The following HDAC9 variants were observed in gnomAD, a reference collection of about 807,000 sequenced individuals.
The protein encoded by HDAC9 is histone deacetylase 9, also known as MEF-2 interacting transcription repressor (MITR) protein.
In HDAC9, 41 loss-of-function variants were observed where a neutral mutation model predicts 139.4. The ratio of observed to expected loss-of-function variants is 0.29; its 90% confidence interval spans 0.23 to 0.38. The LOEUF is 0.38. Among genes scored for constraint, HDAC9 ranks in the 10% least tolerant of loss-of-function variants. HDAC9 has a pLI of 1.00. For synonymous variants in HDAC9, 517 were observed against 476.2 expected, an observed-to-expected ratio of 1.09 and a Z score of -1.12; for missense variants, 1,147 against 1,297.0, an observed-to-expected ratio of 0.88 and a Z score of 1.78.
intron 1 of HDAC9, among the ~76,000 whole-genome samples, chr7:18,434,812 C>T (rs986536300): frequency 6.6e-6 from 1 of 152,042 alleles, no homozygotes; most frequent in African/African-American, 2.4e-5. Flanking sequence ...TTAGTCCAGC[C>T]ATTGTCAAAA....
chr7:18,666,366 AC>A lies in HDAC9; in HGVS notation c.1622del (p.Thr541AsnfsTer8). On this transcript the variant is annotated frameshift_variant, in exon 12 of 26. Transcript: ENST00000686413. LOFTEE classifies it high-confidence loss of function. ...RSDSSACVDD[T>X]LGQVGAVKVK... Reference sequence around the variant, plus strand: ...CGACAGCAGTGCTTGTGTGGATGACACACTGGGACAAGTTGGGGCTGTGAAG... The same window carrying A: ...CGACAGCAGTGCTTGTGTGGATGACAACTGGGACAAGTTGGGGCTGTGAAG... 1 of 1,613,328 alleles carries A rather than the reference AC, an allele frequency of 6.2e-7. No individual in the cohort carries two copies. The highest frequency in any genetic ancestry group is 8.5e-7 in the Non-Finnish European group (1 of 1,179,600).
chr7:18,410,182 C>T (rs1242361104), intron 1 of HDAC9, among the ~76,000 whole-genome samples: 1 of 152,066 alleles, frequency 6.6e-6, no homozygotes, highest in Non-Finnish European at 1.5e-5. Context: ...AAAATTCATT[C>T]TTTAGAAATG....
intron 25 of HDAC9, among the ~76,000 whole-genome samples, chr7:18,980,448 G>T (rs1784830325): frequency 6.6e-6 from 1 of 152,020 alleles, no homozygotes; most frequent in African/African-American, 2.4e-5. Flanking sequence ...TTTGCTCAAG[G>T]GCAAGTTACT....
rs369884178 is a variant in HDAC9, at chr7:18,200,676, T to G, written c.25+38327T>G. Among the ~76,000 whole-genome samples the G allele has an allele frequency of 3.6e-4, 55 of 152,292 alleles. No individual in the cohort carries two copies. The East Asian group carries it at 7.1e-3, about 20-fold the overall frequency. Reference sequence around the variant, plus strand: ...GGGAGTTCAACATTATGAATGATATTTCTAAGGACATATCTATCTGAAAAA... The same window carrying G: ...GGGAGTTCAACATTATGAATGATATGTCTAAGGACATATCTATCTGAAAAA... On this transcript the variant is annotated intron_variant, in intron 2 of 12. Transcript: ENST00000417496.
rs1466523212 is a variant in HDAC9, at chr7:18,590,347, A to G, written c.276A>G (p.Glu92=). 5.0e-6 allele frequency: 8 copies of G among 1,612,486 alleles called. No homozygotes were observed. Among genetic ancestry groups the G allele is most frequent in the Non-Finnish European group, 6.8e-6 (8 of 1,179,312 alleles). ...TCTCTTCTCGCAAGTTGCAACAGGA[A>G]CTTCTAGCCATAAAACAGCAACAAG... ...QLQEHIKLQQ[E]LLAIKQQQEL... Residue 92 remains glutamate, a synonymous_variant, in exon 4 of 26, where the codon GAA becomes GAG. Transcript: ENST00000686413.
chr7:18,484,587 T>C (rs2128130325), intron 1 of HDAC9, among the ~76,000 whole-genome samples: 1 of 152,338 alleles, frequency 6.6e-6, no homozygotes, highest in South Asian at 2.1e-4. Context: ...CTTATGTTTG[T>C]GGATTCCCTG....
intron 13 of HDAC9, among the ~76,000 whole-genome samples, chr7:18,744,101 C>A (rs1036484249): frequency 3.3e-5 from 5 of 149,742 alleles, no homozygotes; most frequent in East Asian, 2.1e-4. Context: ...AGCGATCCTC[C>A]TGCCTCAGCC....
intron 2 of HDAC9, among the ~76,000 whole-genome samples, chr7:18,214,986 A>G (rs914727063): frequency 6.6e-6 from 1 of 152,144 alleles, no homozygotes; most frequent in Non-Finnish European, 1.5e-5. Context: ...CCATAAAATA[A>G]TAGAACAGTT....
chr7:18,563,948 G>A (rs1821441646), intron 2 of HDAC9, among the ~76,000 whole-genome samples: 1 of 149,820 alleles, frequency 6.7e-6, no homozygotes, highest in African/African-American at 2.5e-5. Flanking sequence ...CAATTCTCCT[G>A]CCTTAGCCTC....
At chr7:18,775,531 T>A (rs1790687801) in intron 16 of HDAC9, among the ~76,000 whole-genome samples, 1 of 152,078 alleles carries the variant, frequency 6.6e-6, no homozygotes, top group Admixed American at 6.6e-5. Flanking sequence ...AATTCTTTGC[T>A]GCTAAATAGA....
intron 1 of HDAC9, among the ~76,000 whole-genome samples, chr7:18,145,767 A>T (rs1163704555): frequency 1.3e-5 from 2 of 152,186 alleles, no homozygotes; most frequent in Non-Finnish European, 2.9e-5. Context: ...TAGGGGTTGT[A>T]TTCAGATACC....
At chr7:18,218,342 G>A (rs1232202006) in intron 2 of HDAC9, among the ~76,000 whole-genome samples, 1 of 152,046 alleles carries the variant, frequency 6.6e-6, no homozygotes, top group Non-Finnish European at 1.5e-5. Flanking sequence ...TACTCAGAAG[G>A]CTGAGGCATA....
intron 1 of HDAC9, among the ~76,000 whole-genome samples, chr7:18,445,764 A>G (rs989916219): frequency 6.6e-6 from 1 of 152,240 alleles, no homozygotes; most frequent in Non-Finnish European, 1.5e-5. Flanking sequence ...ACCTCCTTTT[A>G]TGCATGGTTA....
intron 21 of HDAC9, among the ~76,000 whole-genome samples, chr7:18,863,349 G>T (rs1225502354): frequency 6.6e-6 from 1 of 152,204 alleles, no homozygotes; most frequent in Non-Finnish European, 1.5e-5. Flanking sequence ...TGGGCCACAT[G>T]GGGCCCAGGA....
chr7:18,602,890 C>T (rs756601152), intron 6 of HDAC9, among the ~76,000 whole-genome samples: 1 of 152,162 alleles, frequency 6.6e-6, no homozygotes, highest in East Asian at 1.9e-4. Context: ...CTGTTTTGGT[C>T]AGTAGTACTA....
chr7:18,268,493 TA>T (rs10714538), intron 2 of HDAC9, among the ~76,000 whole-genome samples: 57,930 of 148,606 alleles, frequency 0.39, 12,403 homozygotes, highest in Admixed American at 0.52. Context: ...AGAACCAAAT[TA>T]AAAAAAAAAA....
intron 1 of HDAC9, among the ~76,000 whole-genome samples, chr7:18,477,406 C>CGTGTGT (rs879309051): frequency 1.3e-5 from 2 of 151,946 alleles, no homozygotes; most frequent in African/African-American, 4.8e-5. Flanking sequence ...TGCGTGCGTG[C>CGTGTGT]ATGCGTGTGT....
chr7:18,843,012 T>G (rs6461385), intron 21 of HDAC9, among the ~76,000 whole-genome samples: 46,578 of 151,966 alleles, frequency 0.31, 7,813 homozygotes, highest in South Asian at 0.51. Context: ...TTCTTATTGT[T>G]TTTAAAAGGT....
At chr7:18,559,868 A>G (rs963911801) in intron 2 of HDAC9, among the ~76,000 whole-genome samples, 2 of 152,228 alleles carry the variant, frequency 1.3e-5, no homozygotes, top group African/African-American at 4.8e-5. Context: ...TAGAAGCAGT[A>G]ATGCTGGCTA....
Sources: gnomAD v4.1 joint callset for allele counts (sites outside exome capture counted in the v4.1 genomes callset) on GRCh38, gnomAD v4.1.1 for gene constraint, MANE v1.5 for transcripts, NCBI Gene and HGNC (gene_info 2026-07-23, HGNC 2026-07-21) for gene names.